Variants in FERMT2 observed in about 807,000 individuals in gnomAD.
FERMT2 encodes fermitin family homolog 2.
A neutral mutation model predicts 82.7 loss-of-function variants in FERMT2; 15 were observed. The ratio of observed to expected loss-of-function variants is 0.18; its 90% CI spans 0.12 to 0.28. The LOEUF is 0.28. Among genes scored for constraint, FERMT2 ranks in the 10% least tolerant of loss-of-function variants. The pLI is 1.00. For synonymous variants in FERMT2, 274 were observed against 271.5 expected, an observed-to-expected ratio of 1.01 and a Z score of -0.09; for missense variants, 645 against 809.4, an observed-to-expected ratio of 0.80 and a Z score of 2.46.
chr14:52,912,805 T>C (rs1888399612), intron 3 of FERMT2, among the ~76,000 whole-genome samples: 2 of 152,112 alleles, frequency 1.3e-5, no homozygotes, highest in African/African-American at 4.8e-5. Context: ...CCACCATGCC[T>C]GGCCATAGAT....
intron 3 of FERMT2, among the ~76,000 whole-genome samples, chr14:52,911,035 A>G (rs1477700710): frequency 1.3e-5 from 2 of 152,182 alleles, no homozygotes; most frequent in East Asian, 3.8e-4. Context: ...CTGTCACTTC[A>G]GTGTTCAGTT....
intron 2 of FERMT2, among the ~76,000 whole-genome samples, chr14:52,927,221 CCAAA>C (rs1889322178): frequency 1.3e-5 from 2 of 152,066 alleles, no homozygotes; most frequent in Admixed American, 6.6e-5. Flanking sequence ...GCTTAGTCTA[CCAAA>C]CAGCTTTTGG....
At chr14:52,863,729 T>TG (rs1306628411) in intron 12 of FERMT2, 1 of 152,188 alleles carries the variant, frequency 6.6e-6, no homozygotes, top group Non-Finnish European at 1.5e-5. Context: ...AATGTACTCT[T>TG]GTAAAGTTTC....
intron 2 of FERMT2, among the ~76,000 whole-genome samples, chr14:52,944,780 T>C (rs1365137947): frequency 1.3e-5 from 2 of 152,332 alleles, no homozygotes; most frequent in East Asian, 3.9e-4. Flanking sequence ...AACTTGATCC[T>C]AACATGCAAC....
intron 3 of FERMT2, among the ~76,000 whole-genome samples, chr14:52,912,811 T>C (rs563797264): frequency 2.6e-4 from 39 of 152,164 alleles, no homozygotes; most frequent in Admixed American, 2.0e-3. Flanking sequence ...TGCCTGGCCA[T>C]AGATCATTAC....
intron 6 of FERMT2, among the ~76,000 whole-genome samples, chr14:52,879,833 A>G (rs973548080): frequency 3.3e-5 from 5 of 152,160 alleles, no homozygotes; most frequent in Non-Finnish European, 7.3e-5. Context: ...TCTACGGGGG[A>G]AAAAAGCTCC....
chr14:52,934,129 T>C (rs1451121912), intron 2 of FERMT2, among the ~76,000 whole-genome samples: 1 of 152,196 alleles, frequency 6.6e-6, no homozygotes, highest in Non-Finnish European at 1.5e-5. Context: ...CCAGAACTAA[T>C]AAATATTTAT....
intron 10 of FERMT2, among the ~76,000 whole-genome samples, chr14:52,867,822 GCACAAAT>G (rs1456867991): frequency 2.0e-5 from 3 of 151,956 alleles, no homozygotes; most frequent in Non-Finnish European, 2.9e-5. Context: ...CCACCCAATT[GCACAAAT>G]CAGAAAAATG....
At chr14:52,914,375 G>C (rs1888500283) in intron 3 of FERMT2, among the ~76,000 whole-genome samples, 2 of 150,210 alleles carry the variant, frequency 1.3e-5, no homozygotes, top group Middle Eastern at 3.4e-3. Context: ...ATCTCAAAAA[G>C]CAAAAAACAA....
intron 10 of FERMT2, among the ~76,000 whole-genome samples, chr14:52,865,407 A>T (rs1262586071): frequency 6.6e-6 from 1 of 152,230 alleles, no homozygotes; most frequent in Non-Finnish European, 1.5e-5. Flanking sequence ...CAGCTGGCAT[A>T]AACAAGTAGT....
intron 3 of FERMT2, among the ~76,000 whole-genome samples, chr14:52,911,605 C>T (rs192851978): frequency 2.6e-4 from 39 of 151,352 alleles, no homozygotes; most frequent in Middle Eastern, 3.4e-3. Context: ...GAGCCAAGAT[C>T]GCGCCACTGC....
intron 3 of FERMT2, among the ~76,000 whole-genome samples, chr14:52,894,221 G>A (rs2139550986): frequency 6.6e-6 from 1 of 152,002 alleles, no homozygotes; most frequent in East Asian, 1.9e-4. Flanking sequence ...CTGATAACAA[G>A]GAAAATGGTT....
chr14:52,923,077 C>T (rs1045469063), intron 2 of FERMT2, among the ~76,000 whole-genome samples: 1 of 151,984 alleles, frequency 6.6e-6, no homozygotes, highest in Non-Finnish European at 1.5e-5. Flanking sequence ...ATTTGTGTAG[C>T]TAAGCATAGA....
chr14:52,889,120 T>C lies in FERMT2; in HGVS notation c.526+4173A>G, dbSNP rs989694496. Among the ~76,000 whole-genome samples, 7 of 152,210 alleles carry C rather than the reference T, an allele frequency of 4.6e-5. No homozygotes were observed. The East Asian group carries it at 1.2e-3, about 25-fold the overall frequency. ...GGCAAGTGATTTAGCCACTCTGGGTTTCTCTTCTCATGCTACCAATTTTTC... is the reference window on the plus strand; with the variant it reads ...GGCAAGTGATTTAGCCACTCTGGGTCTCTCTTCTCATGCTACCAATTTTTC... On this transcript the variant is annotated intron_variant, in intron 4 of 14. Transcript: ENST00000341590.
chr14:52,914,278 G>A (rs909224511), intron 3 of FERMT2, among the ~76,000 whole-genome samples: 5 of 151,802 alleles, frequency 3.3e-5, no homozygotes, highest in African/African-American at 7.3e-5. Context: ...GCTGAGGCAG[G>A]AGGACTATTT....
At chr14:52,926,411 AACACACACACACACACAC>A (rs34726532) in intron 2 of FERMT2, among the ~76,000 whole-genome samples, 13 of 147,070 alleles carry the variant, frequency 8.8e-5, no homozygotes, top group African/African-American at 1.3e-4. Flanking sequence ...GACCAAGTGC[AACACACACACACACACAC>A]ACACACACAC....
Position 52,881,093 on chromosome 14 carries a change from T to C in FERMT2, c.798A>G (p.Glu266=), listed in dbSNP as rs199706660. The change falls in exon 6 of 15, where the codon GAA becomes GAG. Residue 266 remains glutamate, a synonymous_variant. Coordinates refer to ENST00000341590, the MANE Select transcript of FERMT2 (RefSeq NM_006832.3). ...SRSLMEQDVK[E]NEALLLRFKY... is the part of the protein sequence containing the mutation. ...TGAATCGGAGCAGCAAGGCCTCATT[T>C]TCCTTCACATCTTGTTCCATGAGAG... is the stretch of plus-strand genomic sequence containing the variant. 1 of 1,613,840 alleles carries C rather than the reference T, an allele frequency of 6.2e-7. No individual in the cohort carries two copies. Among genetic ancestry groups the C allele is most frequent in the Non-Finnish European group, 8.5e-7 (1 of 1,179,916 alleles).
intron 3 of FERMT2, among the ~76,000 whole-genome samples, chr14:52,909,936 C>T (rs2139607667): frequency 6.6e-6 from 1 of 152,166 alleles, no homozygotes; most frequent in African/African-American, 2.4e-5. Flanking sequence ...ACCTGTAGTC[C>T]CAGCTACTCG....
At chr14:52,896,307 T>A (rs553797418) in intron 3 of FERMT2, among the ~76,000 whole-genome samples, 2 of 152,230 alleles carry the variant, frequency 1.3e-5, no homozygotes, top group South Asian at 2.1e-4. Flanking sequence ...TGTAAAGCTG[T>A]AGATTGCTAA....
Sources: gnomAD v4.1 joint callset for allele counts (sites outside exome capture counted in the v4.1 genomes callset) on GRCh38, gnomAD v4.1.1 for gene constraint, MANE v1.5 for transcripts, NCBI Gene and HGNC (gene_info 2026-07-23, HGNC 2026-07-21) for gene names.